WSB1: variants seen among roughly 807,000 people sequenced by gnomAD.
WSB1 encodes the protein WD repeat and SOCS box containing 1.
A neutral mutation model predicts 50.2 loss-of-function variants in WSB1; 23 were observed. The observed-to-expected ratio is 0.46, with a 90% confidence interval of 0.33 to 0.65. The LOEUF (loss-of-function observed/expected upper bound fraction) is 0.65, where lower values mean the gene tolerates loss of function less well. WSB1 is among the 30% of genes least tolerant of loss of function. WSB1 has a pLI of 0.02. For synonymous variants in WSB1, 179 were observed against 172.0 expected, an observed-to-expected ratio of 1.04 and a Z score of -0.32; for missense variants, 492 against 522.3, an observed-to-expected ratio of 0.94 and a Z score of 0.56.
rs2017790861 is a variant in WSB1 at position 27,314,421 on chromosome 17, CA to C, written c.*2057del. ...GAAACCCCTGTCTCTACTAAAATTA[CA>C]AAAATTAGCTGGGCATGGTGGTGGG... On this transcript the variant is annotated 3_prime_UTR_variant, in exon 9 of 9. Coordinates refer to ENST00000262394, the MANE Select transcript of WSB1 (RefSeq NM_015626.10). 6.6e-6 allele frequency: 1 copy of C among 151,878 alleles called. No homozygotes were observed. Among genetic ancestry groups the C allele is most frequent in the Non-Finnish European group, 1.5e-5 (1 of 67,990 alleles). 9.4% of individuals were successfully genotyped at this position (151,878 alleles called of 1,614,324 possible).
chr17:27,309,643 C>T (rs1331104152), intron 6 of WSB1, among the ~76,000 whole-genome samples: 2 of 151,002 alleles, frequency 1.3e-5, no homozygotes, highest in African/African-American at 2.4e-5. Context: ...AGTGCAGTGG[C>T]GCAATCTCAG....
Position 27,312,624 on chromosome 17 carries a change from T to C in WSB1, c.*255T>C, listed in dbSNP as rs907584734. 3 of 394,708 alleles carry C rather than the reference T, an allele frequency of 7.6e-6. No homozygotes were observed. Among genetic ancestry groups the C allele is most frequent in the Admixed American group, 4.5e-5 (1 of 22,272 alleles). 24.5% of individuals were successfully genotyped at this position (394,708 alleles called of 1,614,324 possible). On this transcript the variant is annotated 3_prime_UTR_variant, in exon 9 of 9. Coordinates refer to ENST00000262394, the MANE Select transcript of WSB1 (RefSeq NM_015626.10). ...ATACATACCTGTACATATTTAGATA[T>C]AAGCTGCTATATGTTGAATGGACCC...
In WSB1 at chr17:27,294,980, T is replaced by G. The variant is rs553019115; in HGVS notation, c.40+545T>G. 3.9e-5 allele frequency among the ~76,000 whole-genome samples: 6 copies of G among 152,286 alleles called. No homozygotes were observed. In the South Asian group the frequency reaches 1.2e-3, roughly 32 times the overall value. On this transcript the variant is annotated intron_variant, in intron 1 of 8. Coordinates refer to ENST00000262394, the MANE Select transcript of WSB1 (RefSeq NM_015626.10). ...GGGGAGGAGACTTTTAGAATTATCT[T>G]TCAAACACTTAAGGGAGGAGCTGGG...
intron 5 of WSB1, chr17:27,307,540 T>G (rs535012111): frequency 2.4e-4 from 140 of 575,372 alleles, no homozygotes; most frequent in African/African-American, 2.3e-3. Context: ...CAATACACTT[T>G]GAATTAATGG....
At position 27,294,121 on chromosome 17, in the gene WSB1, C is replaced by G. The variant is rs573616680; in HGVS notation, c.-275C>G. On this transcript the variant is annotated 5_prime_UTR_variant, in exon 1 of 9. Transcript: ENST00000262394. ...GCCCGCCATTTTGACTCCAGTGTCT[C>G]GTTTGCAGTCGGCGCTTTAGGGGAA... 2 of 289,648 alleles carry G rather than the reference C, an allele frequency of 6.9e-6. No homozygotes were observed. The highest frequency in any genetic ancestry group is 5.6e-5 in the East Asian group (1 of 17,760). The allele number at this position is 289,648 out of a possible 1,614,324, so 17.9% of individuals were successfully genotyped here. A position where few individuals can be genotyped will look rare whatever the true frequency, so the allele number is the denominator to read the frequency against.
rs924993519 is a variant in WSB1, at chr17:27,313,352, T to G, written c.*983T>G. Reference sequence around the variant, plus strand: ...CCTTGTGGTATAAAGTATTATAAATTGTTGTGAATTTGAAGAATCCGTCTA... The same window carrying G: ...CCTTGTGGTATAAAGTATTATAAATGGTTGTGAATTTGAAGAATCCGTCTA... On this transcript the variant is annotated 3_prime_UTR_variant, in exon 9 of 9. Coordinates refer to ENST00000262394, the MANE Select transcript of WSB1 (RefSeq NM_015626.10). The G allele has an allele frequency of 6.6e-6, 1 of 152,092 alleles. No homozygotes were observed. Among genetic ancestry groups the G allele is most frequent in the Non-Finnish European group, 1.5e-5 (1 of 67,934 alleles). The allele number at this position is 152,092 out of a possible 1,614,324, so 9.4% of individuals were successfully genotyped here.
chr17:27,302,121 A>G, intron 2 of WSB1, 165 bp downstream of exon 2: 2 of 984,940 alleles, frequency 2.0e-6, no homozygotes, highest in Non-Finnish European at 2.8e-6. Flanking sequence ...TGTGTAAAGA[A>G]TTCTTTGGGC....
Position 27,304,871 on chromosome 17 carries a change from A to G in WSB1, c.570A>G (p.Ser190=). The change falls in exon 4 of 9, where the codon TCA becomes TCG. Residue 190 remains serine (S), a synonymous_variant. Coordinates refer to ENST00000262394, the MANE Select transcript of WSB1 (RefSeq NM_015626.10). ...GAAGCTTGATCCTGGTGTCAGCTTC[A>G]AGAGACAAAACTCTCAGAGTATGGG... ...PDGSLILVSA[S]RDKTLRVWDL... 1 of 1,614,116 alleles carries G rather than the reference A, an allele frequency of 6.2e-7. No homozygotes were observed. The highest frequency in any genetic ancestry group is 8.5e-7 in the Non-Finnish European group (1 of 1,180,006).
rs959272329 is a variant in WSB1 at position 27,315,172 on chromosome 17, C to T, written c.*2803C>T. On this transcript the variant is annotated 3_prime_UTR_variant, in exon 9 of 9. Coordinates refer to ENST00000262394, the MANE Select transcript of WSB1 (RefSeq NM_015626.10). ...AAGGACCAAAGGAAAATAGGGAAGA[C>T]GTTGATTATGGACTTGGATCAGATT... is the stretch of plus-strand genomic sequence containing the variant. The T allele has an allele frequency of 3.3e-5, 5 of 152,126 alleles. No individual in the cohort carries two copies. The highest frequency in any genetic ancestry group is 7.2e-5 in the African/African-American group (3 of 41,410). 9.4% of individuals were successfully genotyped at this position (152,126 alleles called of 1,614,324 possible). A position where few individuals can be genotyped will look rare whatever the true frequency, so the allele number is the denominator to read the frequency against.
intron 2 of WSB1, 67 bp downstream of exon 2, chr17:27,302,023 G>A: frequency 6.9e-7 from 1 of 1,444,586 alleles, no homozygotes; most frequent in Non-Finnish European, 9.2e-7. Context: ...TCAGTGTAGG[G>A]TAATAAAAAC....
chr17:27,315,661 A>G lies in WSB1; in HGVS notation c.*3292A>G, dbSNP rs2017815604. On this transcript the variant is annotated 3_prime_UTR_variant, in exon 9 of 9. Transcript: ENST00000262394. ...TTGAGACAGTGATTACAACCTCCATATTAATCAGATGAGGGTTTGTAGGTG... is the reference window on the plus strand; with the variant it reads ...TTGAGACAGTGATTACAACCTCCATGTTAATCAGATGAGGGTTTGTAGGTG... The G allele has an allele frequency of 6.6e-6, 1 of 152,150 alleles. No homozygotes were observed. The highest frequency in any genetic ancestry group is 1.5e-5 in the Non-Finnish European group (1 of 68,026). The allele number at this position is 152,150 out of a possible 1,614,324, so 9.4% of individuals were successfully genotyped here.
At chr17:27,312,058 G>T in intron 8 of WSB1, 152 bp from the exon 9 acceptor site, 1 of 910,564 alleles carries the variant, frequency 1.1e-6, no homozygotes, top group Non-Finnish European at 1.6e-6. Context: ...CCTTGTCATG[G>T]AATACATCAT....
Position 27,294,296 on chromosome 17 carries a change from C to G in WSB1, c.-100C>G, listed in dbSNP as rs1349065649. On this transcript the variant is annotated 5_prime_UTR_variant, in exon 1 of 9. Transcript: ENST00000262394. ...CGCCCGTCTCCTCTGTCCCTGGGCC[C>G]GGGAGGGACCAACTTGGCGTCACGC... The G allele has an allele frequency of 2.0e-6, 3 of 1,527,402 alleles. No individual in the cohort carries two copies. The highest frequency in any genetic ancestry group is 1.8e-6 in the Non-Finnish European group (2 of 1,119,782). 94.6% of individuals were successfully genotyped at this position (1,527,402 alleles called of 1,614,324 possible).
At chr17:27,300,810 C>T (rs771991282) in intron 1 of WSB1, among the ~76,000 whole-genome samples, 1 of 151,914 alleles carries the variant, frequency 6.6e-6, no homozygotes, top group African/African-American at 2.4e-5. Context: ...ATGCTTCAGC[C>T]TTCCAAGAAG....
chr17:27,295,367 G>C (rs932028394), intron 1 of WSB1, among the ~76,000 whole-genome samples: 1 of 152,200 alleles, frequency 6.6e-6, no homozygotes, highest in Non-Finnish European at 1.5e-5. Context: ...GTACAAGGAG[G>C]AGTTATTTCT....
At chr17:27,305,440 G>A (rs182378674) in intron 4 of WSB1, among the ~76,000 whole-genome samples, 129 of 152,336 alleles carry the variant, frequency 8.5e-4, no homozygotes, top group Non-Finnish European at 1.5e-3. Context: ...AGAAAGATAC[G>A]TTGGTGTCAA....
At chr17:27,308,402 T>C (rs2017542062) in intron 5 of WSB1, 1 of 984,880 alleles carries the variant, frequency 1.0e-6, no homozygotes. Flanking sequence ...TTGAACCGTT[T>C]TATATTCAAA....
chr17:27,294,144 G>C lies in WSB1; in HGVS notation c.-252G>C, dbSNP rs1175423865. On this transcript the variant is annotated 5_prime_UTR_variant, in exon 1 of 9. Coordinates refer to ENST00000262394, the MANE Select transcript of WSB1 (RefSeq NM_015626.10). ...CTCGTTTGCAGTCGGCGCTTTAGGGGAACTGTCTTCCTCCGCAGGCGCGAG... is the reference window on the plus strand; with the variant it reads ...CTCGTTTGCAGTCGGCGCTTTAGGGCAACTGTCTTCCTCCGCAGGCGCGAG... The C allele has an allele frequency of 5.8e-6, 2 of 342,064 alleles. No individual in the cohort carries two copies. Among genetic ancestry groups the C allele is most frequent in the East Asian group, 4.5e-5 (1 of 22,410 alleles). The allele number at this position is 342,064 out of a possible 1,614,324, so 21.2% of individuals were successfully genotyped here. A position where few individuals can be genotyped will look rare whatever the true frequency, so the allele number is the denominator to read the frequency against.
chr17:27,312,555 A>T lies in WSB1; in HGVS notation c.*186A>T, dbSNP rs993354928. 1.1e-5 allele frequency: 8 copies of T among 722,532 alleles called. No homozygotes were observed. Among genetic ancestry groups the T allele is most frequent in the Middle Eastern group, 4.1e-4 (1 of 2,448 alleles). 44.8% of individuals were successfully genotyped at this position (722,532 alleles called of 1,614,324 possible). A position where few individuals can be genotyped will look rare whatever the true frequency, so the allele number is the denominator to read the frequency against. ...TTTATAGACAATAGAAGTATTTCTG[A>T]ACATATCAAATATAAATTTTTTTAA... is the stretch of plus-strand genomic sequence containing the variant. On this transcript the variant is annotated 3_prime_UTR_variant, in exon 9 of 9. Coordinates refer to ENST00000262394, the MANE Select transcript of WSB1 (RefSeq NM_015626.10).
Sources: gnomAD v4.1 joint callset for allele counts (sites outside exome capture counted in the v4.1 genomes callset) on GRCh38, gnomAD v4.1.1 for gene constraint, MANE v1.5 for transcripts, NCBI Gene and HGNC (gene_info 2026-07-23, HGNC 2026-07-21) for gene names.